The following PGAP1 variants were observed in gnomAD, a reference collection of about 807,000 sequenced individuals.
The protein encoded by PGAP1 is post-GPI attachment to proteins inositol deacylase 1.
Under a neutral mutation model 127.0 loss-of-function variants are expected in PGAP1, and 76 were observed. The ratio of observed to expected loss-of-function variants is 0.60; its 90% CI spans 0.50 to 0.72. The LOEUF (loss-of-function observed/expected upper bound fraction) is 0.72. PGAP1 is among the 30% of genes least tolerant of loss of function. PGAP1 has a pLI of 0.00. For missense variants in PGAP1, 982 were observed against 1,071.3 expected (o/e 0.92, Z 1.16); for synonymous variants, 362 against 366.5 (o/e 0.99, Z 0.14).
chr2:196,852,594 A>T (rs976731534), intron 20 of PGAP1, among the ~76,000 whole-genome samples: 4 of 151,996 alleles, frequency 2.6e-5, no homozygotes, highest in African/African-American at 9.6e-5. Context: ...TTCTTTATTG[A>T]CAAAAAATAA....
Position 196,920,110 on chromosome 2 carries a change from G to A in PGAP1, c.188C>T (p.Ala63Val), listed in dbSNP as rs1703139832. ...LPKKLAKRYPAYELYLYGEGS... is the reference protein window; with the variant it reads ...LPKKLAKRYPVYELYLYGEGS... ...CTCTCCATAAAGATACAACTCATAT[G>A]CGGGATAGCGTTTTGCCAGTTTCTT... The change falls in exon 2 of 27, where the codon GCA (alanine) becomes GTA (valine). Residue 63 changes from alanine (A) to valine (V), a missense_variant. Ala to Val is a moderately conservative substitution (Grantham distance 64, BLOSUM62 0). Transcript: ENST00000354764. 2 of 1,612,228 alleles carry A rather than the reference G, an allele frequency of 1.2e-6. No individual in the cohort carries two copies. Among genetic ancestry groups the A allele is most frequent in the South Asian group, 2.2e-5 (2 of 90,630 alleles).
chr2:196,860,643 C>T (rs1053926322), intron 20 of PGAP1, among the ~76,000 whole-genome samples: 2 of 152,072 alleles, frequency 1.3e-5, no homozygotes, highest in African/African-American at 2.4e-5. Flanking sequence ...AATATCTCCA[C>T]AGTGAAAAAT....
intron 20 of PGAP1, among the ~76,000 whole-genome samples, chr2:196,851,900 G>A (rs1336844656): frequency 6.6e-6 from 1 of 152,092 alleles, no homozygotes; most frequent in South Asian, 2.1e-4. Flanking sequence ...GAGTTTCTAC[G>A]GAATTTACAT....
chr2:196,885,604 T>C (rs894920497), intron 11 of PGAP1, 129 bp from the exon 12 acceptor site: 2 of 704,012 alleles, frequency 2.8e-6, no homozygotes, highest in Non-Finnish European at 4.5e-6. Flanking sequence ...CCTAATCCAA[T>C]ATACTCTGTC....
rs761507242 is a variant in PGAP1, at chr2:196,916,405, A to G, written c.477+13T>C. ...AGGTTGCACCACTATTGATTTGCATACTTATCTCTCACCTTATAGAGTTTG... is the reference window on the plus strand; with the variant it reads ...AGGTTGCACCACTATTGATTTGCATGCTTATCTCTCACCTTATAGAGTTTG... On this transcript the variant is annotated intron_variant, in intron 3 of 26. Coordinates refer to ENST00000354764, the MANE Select transcript of PGAP1 (RefSeq NM_024989.4). 4.4e-6 allele frequency: 7 copies of G among 1,585,240 alleles called. No homozygotes were observed. The highest frequency in any genetic ancestry group is 6.0e-6 in the Non-Finnish European group (7 of 1,166,944).
chr2:196,895,558 G>A (rs1303323496), intron 7 of PGAP1, among the ~76,000 whole-genome samples: 3 of 152,196 alleles, frequency 2.0e-5, no homozygotes, highest in African/African-American at 7.2e-5. Flanking sequence ...TGTCAACTTG[G>A]TGAAGCTTGT....
chr2:196,884,577 G>C (rs1701838131), intron 12 of PGAP1, among the ~76,000 whole-genome samples: 1 of 152,128 alleles, frequency 6.6e-6, no homozygotes. Flanking sequence ...ATAGTATAGA[G>C]TTGACTATTC....
intron 19 of PGAP1, among the ~76,000 whole-genome samples, chr2:196,868,918 TGAAG>T (rs1559343571): frequency 6.6e-6 from 1 of 152,220 alleles, no homozygotes; most frequent in Non-Finnish European, 1.5e-5. Context: ...TAAACAAGCA[TGAAG>T]GAAGAACATC....
At chr2:196,912,811 T>G in intron 4 of PGAP1, 71 bp downstream of exon 4, 1 of 1,389,408 alleles carries the variant, frequency 7.2e-7, no homozygotes, top group Non-Finnish European at 9.7e-7. Context: ...CCTAGGGGAA[T>G]AGCCACAGAG....
chr2:196,918,432 T>C (rs910850989), intron 2 of PGAP1, among the ~76,000 whole-genome samples: 2 of 152,164 alleles, frequency 1.3e-5, no homozygotes, highest in Non-Finnish European at 2.9e-5. Flanking sequence ...TAAACATTTA[T>C]TCTGTCCAAA....
At chr2:196,926,393 G>A in intron 1 of PGAP1, 77 bp downstream of exon 1, 2 of 1,599,766 alleles carry the variant, frequency 1.3e-6, no homozygotes, top group Non-Finnish European at 1.7e-6. Context: ...GCCAAGGCAG[G>A]ACGAACCCAC....
intron 19 of PGAP1, among the ~76,000 whole-genome samples, chr2:196,867,528 G>A (rs1559342849): frequency 6.6e-6 from 1 of 152,238 alleles, no homozygotes; most frequent in East Asian, 1.9e-4. Flanking sequence ...TAATGTAGAT[G>A]ACGGGTTGAT....
At position 196,840,548 on chromosome 2, in the gene PGAP1, T is replaced by C. The variant is rs553243790; in HGVS notation, c.*686A>G. ...TCTCCTGATGTTCACCGAGAATATA[T>C]AGTAAGATTCATATTTGAAAAATAG... On this transcript the variant is annotated 3_prime_UTR_variant, in exon 27 of 27. Transcript: ENST00000354764. 7 of 152,248 alleles carry C rather than the reference T, an allele frequency of 4.6e-5. No individual in the cohort carries two copies. Among genetic ancestry groups the C allele is most frequent in the African/African-American group, 1.7e-4 (7 of 41,550 alleles). The allele number at this position is 152,248 out of a possible 1,614,324, so 9.4% of individuals were successfully genotyped here. A position where few individuals can be genotyped will look rare whatever the true frequency, so the allele number is the denominator to read the frequency against.
chr2:196,881,114 T>C lies in PGAP1; in HGVS notation c.1273-961A>G, dbSNP rs114111596. ...CAGCTCCCACTTATAAGTGAGAAGA[T>C]GCAGCATTTGGTTTTCTCTTCCTGC... On this transcript the variant is annotated intron_variant, in intron 12 of 26. Transcript: ENST00000354764. Among the ~76,000 whole-genome samples the C allele has an allele frequency of 6.5e-3, 986 of 152,326 alleles. 6 individuals carry two copies. The highest frequency in any genetic ancestry group is 0.022 in the African/African-American group (933 of 41,574).
chr2:196,875,421 T>C (rs941355781), intron 14 of PGAP1, among the ~76,000 whole-genome samples: 5 of 152,330 alleles, frequency 3.3e-5, no homozygotes, highest in South Asian at 2.1e-4. Context: ...TAGAGAAATC[T>C]TGAAACCTTC....
At chr2:196,919,951 G>T in intron 2 of PGAP1, 46 bp downstream of exon 2, 2 of 1,552,622 alleles carry the variant, frequency 1.3e-6, no homozygotes, top group Non-Finnish European at 1.7e-6. Flanking sequence ...TCAAATTCTT[G>T]AGTTGAATTT....
rs1700170994 is a variant in PGAP1, at chr2:196,834,084, G to T, written c.*7150C>A. 1 of 151,916 alleles carries T rather than the reference G, an allele frequency of 6.6e-6. No individual in the cohort carries two copies. Among genetic ancestry groups the T allele is most frequent in the Non-Finnish European group, 1.5e-5 (1 of 67,892 alleles). The allele number at this position is 151,916 out of a possible 1,614,324, so 9.4% of individuals were successfully genotyped here. A position where few individuals can be genotyped will look rare whatever the true frequency, so the allele number is the denominator to read the frequency against. On this transcript the variant is annotated 3_prime_UTR_variant, in exon 27 of 27. Transcript: ENST00000354764. The stretch of plus-strand genomic sequence containing the variant: ...TCAGAAAGAATGAGCACAAGTCAAA[G>T]AATTCATGTCTTTGACAGATTACTC...
At chr2:196,870,041 C>T (rs1701364986) in intron 19 of PGAP1, among the ~76,000 whole-genome samples, 1 of 152,124 alleles carries the variant, frequency 6.6e-6, no homozygotes, top group African/African-American at 2.4e-5. Flanking sequence ...GTCCAGGTTG[C>T]ACAATTGTGC....
intron 20 of PGAP1, among the ~76,000 whole-genome samples, chr2:196,863,215 G>A (rs144813025): frequency 8.5e-5 from 13 of 152,268 alleles, no homozygotes; most frequent in African/African-American, 2.2e-4. Context: ...TCTTACTGCT[G>A]TATATATTAT....
Sources: gnomAD v4.1 joint callset for allele counts (sites outside exome capture counted in the v4.1 genomes callset) on GRCh38, gnomAD v4.1.1 for gene constraint, MANE v1.5 for transcripts, NCBI Gene and HGNC (gene_info 2026-07-23, HGNC 2026-07-21) for gene names.